TCF7L2: variants seen among roughly 807,000 people sequenced by gnomAD.
TCF7L2 encodes the protein transcription factor 7 like 2.
Under a neutral mutation model 77.9 loss-of-function variants are expected in TCF7L2, and 23 were observed. The observed-to-expected ratio is 0.30, with a 90% CI of 0.21 to 0.42. TCF7L2 has a LOEUF of 0.42. TCF7L2 is among the 10% of genes least tolerant of loss of function. TCF7L2 has a pLI of 1.00. For missense variants in TCF7L2, 654 were observed against 793.1 expected, an observed-to-expected ratio of 0.82 and a Z score of 2.11; for synonymous variants, 413 against 340.2, an observed-to-expected ratio of 1.21 and a Z score of -2.36.
At chr10:113,014,163 T>G (rs888325346) in intron 4 of TCF7L2, among the ~76,000 whole-genome samples, 4 of 152,206 alleles carry the variant, frequency 2.6e-5, no homozygotes, top group Non-Finnish European at 5.9e-5. Context: ...AATGGGTTAG[T>G]TCCCAGGTCG....
chr10:113,118,571 T>A (rs189595960), intron 5 of TCF7L2, among the ~76,000 whole-genome samples: 3 of 143,634 alleles, frequency 2.1e-5, no homozygotes, highest in African/African-American at 7.6e-5. Flanking sequence ...ACCTACACAT[T>A]TGCCTGGAGT....
chr10:113,146,803 C>A (rs144648033), intron 8 of TCF7L2, among the ~76,000 whole-genome samples: 5 of 152,060 alleles, frequency 3.3e-5, no homozygotes, highest in African/African-American at 1.2e-4. Flanking sequence ...ATACGCACAG[C>A]ACTTCTCAGT....
intron 5 of TCF7L2, among the ~76,000 whole-genome samples, chr10:113,088,123 G>A (rs1370903831): frequency 6.6e-6 from 1 of 151,940 alleles, no homozygotes; most frequent in Non-Finnish European, 1.5e-5. Flanking sequence ...TGAACATAAA[G>A]GGCATAGCTA....
intron 11 of TCF7L2, among the ~76,000 whole-genome samples, chr10:113,157,222 G>A (rs944204101): frequency 6.6e-6 from 1 of 152,314 alleles, no homozygotes; most frequent in Admixed American, 6.5e-5. Flanking sequence ...GGGTTCAGGC[G>A]ATTCTCCTGC....
At chr10:113,067,178 G>A (rs865967135) in intron 5 of TCF7L2, among the ~76,000 whole-genome samples, 3 of 152,164 alleles carry the variant, frequency 2.0e-5, no homozygotes, top group Non-Finnish European at 2.9e-5. Flanking sequence ...TATGTGAATT[G>A]GACAATGATA....
rs2062287888 is a variant in TCF7L2 at position 113,106,158 on chromosome 10, C to G, written c.553-35026C>G. The stretch of plus-strand genomic sequence containing the variant: ...CTGAGAATATTAATGCAAACAGACC[C>G]CAACCAGAGTAATGTGTTCACTGTG... On this transcript the variant is annotated intron_variant, in intron 5 of 13. Coordinates refer to ENST00000627217, the MANE Select transcript of TCF7L2 (RefSeq NM_001146274.2). 2.0e-5 allele frequency among the ~76,000 whole-genome samples: 3 copies of G among 152,092 alleles called. No homozygotes were observed. The South Asian group carries it at 6.2e-4, about 32-fold the overall frequency.
At position 113,143,937 on chromosome 10, in the gene TCF7L2, C is replaced by T. The variant is rs775709127; in HGVS notation, c.700C>T (p.Pro234Ser). ...TCTTCCCTCAGGAATCCCACGGCCT[C>T]CGCACCCTCCAGATATATCCCCGTA... Residue 234 changes from proline to serine, a missense_variant, in exon 7 of 14, where the codon CCG becomes TCG. Physicochemically the swap from Pro to Ser is moderately conservative, Grantham distance 74. This residue lies in a region of TCF7L2 where 179 missense variants were observed against 270.6 expected (regional missense o/e 0.66). Coordinates refer to ENST00000627217, the MANE Select transcript of TCF7L2 (RefSeq NM_001146274.2). 6.2e-7 allele frequency: 1 copy of T among 1,613,962 alleles called. No homozygotes were observed. Among genetic ancestry groups the T allele is most frequent in the Non-Finnish European group, 8.5e-7 (1 of 1,179,938 alleles).
At chr10:113,098,222 T>TCTTGGAA (rs1325365922) in intron 5 of TCF7L2, among the ~76,000 whole-genome samples, 1 of 152,014 alleles carries the variant, frequency 6.6e-6, no homozygotes, top group Admixed American at 6.6e-5. Flanking sequence ...GTTTGTTTCT[T>TCTTGGAA]CTTGGACCTT....
At chr10:113,136,063 G>T (rs2742283) in intron 5 of TCF7L2, among the ~76,000 whole-genome samples, 2 of 152,200 alleles carry the variant, frequency 1.3e-5, no homozygotes. Context: ...GGCAGGTGAG[G>T]CTGCAAAGCT....
intron 5 of TCF7L2, among the ~76,000 whole-genome samples, chr10:113,090,724 C>T (rs1158973310): frequency 6.6e-6 from 1 of 152,214 alleles, no homozygotes; most frequent in African/African-American, 2.4e-5. Flanking sequence ...ATTCGCCTGC[C>T]TCAGCCTCCC....
intron 4 of TCF7L2, among the ~76,000 whole-genome samples, chr10:113,017,051 C>T (rs2047455139): frequency 6.6e-6 from 1 of 152,208 alleles, no homozygotes; most frequent in Non-Finnish European, 1.5e-5. Flanking sequence ...GATATCTCTT[C>T]TCCACTCCTC....
At chr10:113,016,985 C>T (rs2047441013) in intron 4 of TCF7L2, among the ~76,000 whole-genome samples, 1 of 152,150 alleles carries the variant, frequency 6.6e-6, no homozygotes, top group Admixed American at 6.5e-5. Context: ...TCTTGAGGCT[C>T]ATGTCCAGTT....
chr10:112,952,527 T>C (rs2032062171), intron 3 of TCF7L2, among the ~76,000 whole-genome samples: 1 of 152,130 alleles, frequency 6.6e-6, no homozygotes, highest in African/African-American at 2.4e-5. Flanking sequence ...AGCGGACTTG[T>C]GTATTTCTAG....
At chr10:113,053,714 G>A (rs989615762) in intron 5 of TCF7L2, among the ~76,000 whole-genome samples, 2 of 152,160 alleles carry the variant, frequency 1.3e-5, no homozygotes, top group South Asian at 2.1e-4. Context: ...AGAAGTACAC[G>A]ATCATGGTAA....
intron 5 of TCF7L2, among the ~76,000 whole-genome samples, chr10:113,094,290 T>C (rs1004156825): frequency 1.3e-5 from 2 of 152,214 alleles, no homozygotes; most frequent in Non-Finnish European, 2.9e-5. Context: ...ATGTGGCTTA[T>C]TTTATGTCTG....
At chr10:113,154,390 G>T in intron 11 of TCF7L2, among the ~76,000 whole-genome samples, 1 of 152,128 alleles carries the variant, frequency 6.6e-6, no homozygotes, top group Non-Finnish European at 1.5e-5. Flanking sequence ...AATCTAGAAT[G>T]ATACCACAGA....
chr10:113,139,811 TAAAA>T lies in TCF7L2; in HGVS notation c.553-1357_553-1354del, dbSNP rs34407643. On this transcript the variant is annotated intron_variant, in intron 5 of 13. Transcript: ENST00000627217. ...ATATTACATTCCTTCCTCACCCATTTAAAAAAAAAAAAAAAAAAAGGACAAGAAG... is the reference window on the plus strand; with the variant it reads ...ATATTACATTCCTTCCTCACCCATTTAAAAAAAAAAAAAAAGGACAAGAAG... 1.7e-3 allele frequency among the ~76,000 whole-genome samples: 231 copies of T among 138,350 alleles called. 1 individual carries two copies. The highest frequency in any genetic ancestry group is 4.0e-3 in the Admixed American group (57 of 14,136). 90.8% of individuals were successfully genotyped at this position (138,350 alleles called of 152,430 possible).
rs1292662674 is a variant in TCF7L2 at position 112,959,553 on chromosome 10, TGCTG to T, written c.382-5002_382-4999del. 1.9e-4 allele frequency among the ~76,000 whole-genome samples: 29 copies of T among 152,332 alleles called. No individual in the cohort carries two copies. The East Asian group carries it at 5.4e-3, about 28-fold the overall frequency. On this transcript the variant is annotated intron_variant, in intron 3 of 13. Transcript: ENST00000627217. ...CAGAATGCCAGGAAGTGAAAGGGGA[TGCTG>T]TCGTTAAGTTATTGTTTAGGGATGG...
chr10:113,141,918 A>C (rs1292405237), intron 6 of TCF7L2, among the ~76,000 whole-genome samples: 1 of 152,256 alleles, frequency 6.6e-6, no homozygotes, highest in Non-Finnish European at 1.5e-5. Flanking sequence ...TGAATACTGA[A>C]GTCCAGGCAG....
Sources: allele counts gnomAD v4.1 joint callset (sites outside exome capture counted in the v4.1 genomes callset), GRCh38; gene constraint gnomAD v4.1.1; regional missense constraint gnomAD v4.1.1; transcripts MANE v1.5; gene names NCBI Gene and HGNC (gene_info 2026-07-23, HGNC 2026-07-21).